Variants in C2CD3 observed in about 807,000 individuals in gnomAD.
C2CD3 encodes the protein C2 domain containing 3 centriole elongation regulator.
In C2CD3, 148 loss-of-function variants were observed where a neutral mutation model predicts 234.0. The observed-to-expected ratio is 0.63, with a 90% confidence interval of 0.55 to 0.72. The LOEUF (loss-of-function observed/expected upper bound fraction) is 0.72. Ranked by LOEUF, C2CD3 falls within the 30% of genes least tolerant of loss-of-function variation. The probability of loss-of-function intolerance (pLI) is 0.00; values close to 1 mark genes in which losing one functional copy is unlikely to be tolerated. For missense variants in C2CD3, 2,577 were observed against 2,811.5 expected (o/e 0.92, Z 1.89); for synonymous variants, 1,000 against 1,035.4 (o/e 0.97, Z 0.66).
chr11:74,079,187 A>T (rs1172969906), intron 22 of C2CD3, among the ~76,000 whole-genome samples: 1 of 152,238 alleles, frequency 6.6e-6, no homozygotes, highest in African/African-American at 2.4e-5. Context: ...CAAGTCTTCT[A>T]TCAAGGGAAT....
chr11:74,139,686 G>A lies in C2CD3; in HGVS notation c.626C>T (p.Pro209Leu), dbSNP rs758536690. Residue 209 changes from proline to leucine, a missense_variant, in exon 4 of 33, where the codon CCA (proline) becomes CTA (leucine). Coordinates refer to ENST00000334126, the MANE Select transcript of C2CD3 (RefSeq NM_001286577.2). ...TEPSSTQFQV[P>L]SRPRDIHTIK... The stretch of plus-strand genomic sequence containing the variant: ...GGTATGTATGTCGCGAGGCCTTGAT[G>A]GAACCTGAAACTGGGTACTGCTGGG... 107 of 1,613,830 alleles carry A rather than the reference G, an allele frequency of 6.6e-5. No individual in the cohort carries two copies. Among genetic ancestry groups the A allele is most frequent in the Non-Finnish European group, 9.0e-5 (106 of 1,179,902 alleles).
chr11:74,095,475 C>T (rs1053599068), intron 16 of C2CD3, 67 bp from the exon 17 acceptor site: 7 of 1,255,262 alleles, frequency 5.6e-6, no homozygotes. Context: ...TTCTGCTTCT[C>T]TATGAAGTCT....
At chr11:74,048,015 T>G (rs1953470855) in intron 28 of C2CD3, among the ~76,000 whole-genome samples, 190 bp downstream of exon 28, 1 of 152,222 alleles carries the variant, frequency 6.6e-6, no homozygotes. Context: ...CAGTACAAAT[T>G]CTAGCTCCTA....
chr11:74,118,796 C>T lies in C2CD3; in HGVS notation c.1366-414G>A, dbSNP rs552634352. 2.6e-5 allele frequency among the ~76,000 whole-genome samples: 4 copies of T among 152,202 alleles called. No homozygotes were observed. In the East Asian group the frequency reaches 7.7e-4, roughly 29 times the overall value. On this transcript the variant is annotated intron_variant, in intron 8 of 32. Coordinates refer to ENST00000334126, the MANE Select transcript of C2CD3 (RefSeq NM_001286577.2). Reference sequence around the variant, plus strand: ...AAAGTAAGGCAGCTTGTTTATGATCCATAGCTGTAAAGCCAGATTTTGATC... The same window carrying T: ...AAAGTAAGGCAGCTTGTTTATGATCTATAGCTGTAAAGCCAGATTTTGATC...
intron 28 of C2CD3, among the ~76,000 whole-genome samples, 178 bp from the exon 29 acceptor site, chr11:74,042,396 T>C (rs1476877814): frequency 2.0e-5 from 3 of 152,138 alleles, no homozygotes; most frequent in Non-Finnish European, 4.4e-5. Context: ...AAAATAATCC[T>C]GTCTTCAATC....
intron 8 of C2CD3, among the ~76,000 whole-genome samples, chr11:74,120,777 T>A (rs113128239): frequency 0.018 from 2,666 of 152,254 alleles, 80 homozygotes; most frequent in African/African-American, 0.061. Context: ...CTCCACATCC[T>A]CTCCTTCAAG....
At chr11:74,041,004 C>T (rs998947493) in intron 29 of C2CD3, among the ~76,000 whole-genome samples, 1 of 146,382 alleles carries the variant, frequency 6.8e-6, no homozygotes, top group Admixed American at 6.9e-5. Flanking sequence ...AGATTTTACT[C>T]ATGTCAATAA....
intron 22 of C2CD3, among the ~76,000 whole-genome samples, chr11:74,082,846 T>A (rs1955453390): frequency 6.6e-6 from 1 of 152,124 alleles, no homozygotes; most frequent in Non-Finnish European, 1.5e-5. Flanking sequence ...GAATCAATAT[T>A]GTGAAAATGG....
At chr11:74,098,387 A>G in intron 15 of C2CD3, 132 bp from the exon 16 acceptor site, 1 of 902,184 alleles carries the variant, frequency 1.1e-6, no homozygotes, top group Non-Finnish European at 1.7e-6. Flanking sequence ...TGGTTTTAAA[A>G]AATGTGTGCA....
Position 74,057,526 on chromosome 11 carries a change from C to A in C2CD3, c.4970G>T (p.Arg1657Leu), listed in dbSNP as rs144359377. ...LSLKGSPLTERKVSIPSCCVS... is the reference protein window; with the variant it reads ...LSLKGSPLTELKVSIPSCCVS... Reference sequence around the variant, plus strand: ...ACAACAACTGGGTATCGATACTTTCCGCTCTGTCAAGGGGCTCCCTGAAAT... The same window carrying A: ...ACAACAACTGGGTATCGATACTTTCAGCTCTGTCAAGGGGCTCCCTGAAAT... Residue 1657 changes from arginine (R) to leucine (L), a missense_variant, in exon 25 of 33, where the codon CGG becomes CTG. By Grantham distance (102) the Arg-to-Leu change is moderately radical (BLOSUM62 -2). Transcript: ENST00000334126. 6.2e-7 allele frequency: 1 copy of A among 1,614,102 alleles called. No individual in the cohort carries two copies. Among genetic ancestry groups the A allele is most frequent in the East Asian group, 2.2e-5 (1 of 44,888 alleles).
At position 74,033,732 on chromosome 11, in the gene C2CD3, C is replaced by G. The variant is rs1258391424; in HGVS notation, c.6428G>C (p.Arg2143Thr). ...PERAVNPHLP[R>T]QGSPSQSLVA... ...AAGACTTTGGCTAGGAGAACCCTGC[C>G]TAGGCAGGTGGGGGTTGACAGCCCT... Residue 2143 changes from arginine to threonine, a missense_variant, in exon 31 of 33, where the codon AGG (arginine) becomes ACG (threonine). Transcript: ENST00000334126. 1.3e-6 allele frequency: 2 copies of G among 1,536,302 alleles called. No individual in the cohort carries two copies. The highest frequency in any genetic ancestry group is 2.7e-5 in the African/African-American group (2 of 73,028).
At chr11:74,040,896 A>T (rs529886896) in intron 29 of C2CD3, among the ~76,000 whole-genome samples, 3 of 147,122 alleles carry the variant, frequency 2.0e-5, no homozygotes, top group East Asian at 1.9e-4. Flanking sequence ...TTTATCTATC[A>T]CACACACACA....
intron 19 of C2CD3, among the ~76,000 whole-genome samples, chr11:74,092,061 T>TA (rs558275664): frequency 1.5e-3 from 216 of 148,256 alleles, no homozygotes; most frequent in East Asian, 2.0e-3. Context: ...TATATATATA[T>TA]TTTTTTTTTG....
At chr11:74,157,641 T>C (rs1182946468) in intron 3 of C2CD3, among the ~76,000 whole-genome samples, 1 of 152,230 alleles carries the variant, frequency 6.6e-6, no homozygotes, top group Non-Finnish European at 1.5e-5. Context: ...GTTTTTTCCT[T>C]ATCCTTTTTA....
intron 28 of C2CD3, among the ~76,000 whole-genome samples, chr11:74,046,482 T>C (rs1953379866): frequency 6.6e-6 from 1 of 152,172 alleles, no homozygotes; most frequent in Non-Finnish European, 1.5e-5. Flanking sequence ...TAGCTAGGAC[T>C]ACAGGCAGGC....
At chr11:74,029,584 T>C (rs1202738994) in intron 31 of C2CD3, among the ~76,000 whole-genome samples, 2 of 152,244 alleles carry the variant, frequency 1.3e-5, no homozygotes, top group East Asian at 3.8e-4. Context: ...CTATTTGCTG[T>C]TGCTGAAACT....
intron 7 of C2CD3, chr11:74,128,408 T>G (rs901965862): frequency 5.3e-5 from 8 of 152,214 alleles, no homozygotes. Context: ...TTTATGTATC[T>G]TTTCTTGTTT....
intron 23 of C2CD3, among the ~76,000 whole-genome samples, chr11:74,075,774 G>A (rs1486838522): frequency 2.0e-5 from 3 of 152,198 alleles, no homozygotes; most frequent in Admixed American, 2.0e-4. Flanking sequence ...CAGGTGGGAA[G>A]ACACCCAAAA....
intron 25 of C2CD3, among the ~76,000 whole-genome samples, chr11:74,056,054 T>A (rs1236902218): frequency 1.3e-5 from 2 of 152,222 alleles, no homozygotes; most frequent in African/African-American, 4.8e-5. Flanking sequence ...AGAATTTCTA[T>A]AATTTCCAGT....
Sources: allele counts gnomAD v4.1 joint callset (sites outside exome capture counted in the v4.1 genomes callset), GRCh38; gene constraint gnomAD v4.1.1; transcripts MANE v1.5; gene names NCBI Gene and HGNC (gene_info 2026-07-23, HGNC 2026-07-21).